Variants in UNC79 observed in about 807,000 individuals in gnomAD.
UNC79 encodes protein unc-79 homolog.
A neutral mutation model predicts 283.1 loss-of-function variants in UNC79; 37 were observed. The ratio of observed to expected loss-of-function variants is 0.13; its 90% CI spans 0.10 to 0.17. The LOEUF (loss-of-function observed/expected upper bound fraction) is 0.17, where lower values mean the gene tolerates loss of function less well. Among genes scored for constraint, UNC79 ranks in the 10% least tolerant of loss-of-function variants. UNC79 has a pLI of 1.00. For missense variants in UNC79, 2,272 were observed against 3,211.1 expected (o/e 0.71, Z 7.07); for synonymous variants, 1,107 against 1,200.2 (o/e 0.92, Z 1.61).
At chr14:93,458,342 G>A (rs1043668878) in intron 1 of UNC79, among the ~76,000 whole-genome samples, 1 of 152,218 alleles carries the variant, frequency 6.6e-6, no homozygotes, top group Non-Finnish European at 1.5e-5. Context: ...AAGAACTCCT[G>A]AGGCTTATAC....
intron 33 of UNC79, 64 bp downstream of exon 36, chr14:93,641,311 T>A: frequency 2.7e-6 from 4 of 1,478,840 alleles, no homozygotes; most frequent in Non-Finnish European, 3.7e-6. Flanking sequence ...ACCACAGTGG[T>A]GAGAAAGTTT....
At position 93,452,586 on chromosome 14, in the gene UNC79, G is replaced by A. The variant is rs770209232; in HGVS notation, c.23-15085G>A. Among the ~76,000 whole-genome samples, 122 of 151,936 alleles carry A rather than the reference G, an allele frequency of 8.0e-4. 4 individuals are homozygous for A. Among genetic ancestry groups the A allele is most frequent in the Non-Finnish European group, 7.9e-4 (54 of 67,930 alleles). On this transcript the variant is annotated intron_variant, in intron 1 of 48. Transcript: ENST00000555664. ...GTATTTTTAGTAGAGACAGGGTTTC[G>A]CCATGTTGGACAGACTGGTCTCGAC... is the stretch of plus-strand genomic sequence containing the variant.
chr14:93,378,203 G>T (rs1049305462), intron 1 of UNC79, among the ~76,000 whole-genome samples: 7 of 152,176 alleles, frequency 4.6e-5, no homozygotes, highest in Admixed American at 1.3e-4. Flanking sequence ...CAGCTTCCCT[G>T]CAGGGACAAG....
At chr14:93,587,073 A>G (rs1205187797) in intron 22 of UNC79, among the ~76,000 whole-genome samples, 165 bp downstream of exon 22, 1 of 152,212 alleles carries the variant, frequency 6.6e-6, no homozygotes, top group East Asian at 1.9e-4. Flanking sequence ...GTCTAATTTA[A>G]AAGTACGTTA....
chr14:93,666,028 G>A (rs12434100), intron 40 of UNC79, among the ~76,000 whole-genome samples: 13,880 of 150,462 alleles, frequency 0.092, 1,211 homozygotes, highest in African/African-American at 0.23. Flanking sequence ...AATGACAATA[G>A]AATACTAGAA....
intron 13 of UNC79, 107 bp downstream of exon 13, chr14:93,540,938 T>A: frequency 1.4e-6 from 2 of 1,450,480 alleles, no homozygotes; most frequent in Non-Finnish European, 1.9e-6. Context: ...AGTGAAAAAT[T>A]AACCTTAGCA....
intron 7 of UNC79, among the ~76,000 whole-genome samples, chr14:93,499,722 A>G (rs2059189879): frequency 6.6e-6 from 1 of 152,166 alleles, no homozygotes. Context: ...TAGAACAAAT[A>G]CAGAGAGCTG....
chr14:93,423,058 G>A (rs1319126217), intron 1 of UNC79, among the ~76,000 whole-genome samples: 2 of 60,064 alleles, frequency 3.3e-5, no homozygotes, highest in African/African-American at 8.4e-5. Context: ...GCGAGACTCT[G>A]TCTCAAAAAA....
chr14:93,333,741 G>A (rs1409916176), intron 1 of UNC79, among the ~76,000 whole-genome samples: 3 of 152,206 alleles, frequency 2.0e-5, no homozygotes, highest in Non-Finnish European at 4.4e-5. Flanking sequence ...TTTCAGCGAT[G>A]CAATAACAAA....
intron 1 of UNC79, among the ~76,000 whole-genome samples, chr14:93,436,482 CTG>C (rs939541270): frequency 8.6e-5 from 13 of 151,578 alleles, no homozygotes; most frequent in Admixed American, 6.6e-4. Context: ...ACACAGCCAA[CTG>C]TTTTTTTTTT....
intron 26 of UNC79, among the ~76,000 whole-genome samples, chr14:93,610,929 A>G (rs1469086809): frequency 6.6e-6 from 1 of 152,100 alleles, no homozygotes; most frequent in African/African-American, 2.4e-5. Flanking sequence ...CTATTTTTCA[A>G]TGCTGAAAAA....
chr14:93,681,533 T>C (rs2073844481), intron 41 of UNC79, among the ~76,000 whole-genome samples: 3 of 152,238 alleles, frequency 2.0e-5, no homozygotes. Context: ...CTAGTTGTTA[T>C]TACTTCTCTC....
chr14:93,551,023 T>A (rs1461473242), intron 14 of UNC79, among the ~76,000 whole-genome samples: 2 of 151,854 alleles, frequency 1.3e-5, no homozygotes, highest in African/African-American at 4.8e-5. Flanking sequence ...GGATTTATTT[T>A]TTATTTTATT....
In UNC79 at chr14:93,421,938, G is replaced by A. The variant is rs763377232; in HGVS notation, c.-350-45733G>A. Among the ~76,000 whole-genome samples, 23 of 151,732 alleles carry A rather than the reference G, an allele frequency of 1.5e-4. 1 individual carries two copies. The highest frequency in any genetic ancestry group is 3.1e-4 in the Non-Finnish European group (21 of 67,902). On this transcript the variant is annotated intron_variant, in intron 1 of 49. Transcript: ENST00000256339. ...GATCATTTCAATTCATGCTGAAAAAGCATTTGATAAAATTCAACACCTCTT... is the reference window on the plus strand; with the variant it reads ...GATCATTTCAATTCATGCTGAAAAAACATTTGATAAAATTCAACACCTCTT...
At chr14:93,361,211 CAAAAAAAAA>C (rs58267219) in intron 1 of UNC79, among the ~76,000 whole-genome samples, 1,176 of 54,426 alleles carry the variant, frequency 0.022, 18 homozygotes, top group African/African-American at 0.084. Context: ...GACTCTGTCT[CAAAAAAAAA>C]AAAAAAAAAA....
intron 28 of UNC79, 124 bp from the exon 30 acceptor site, chr14:93,618,064 TTCTC>T: frequency 5.0e-6 from 5 of 992,676 alleles, no homozygotes; most frequent in Non-Finnish European, 5.6e-6. Flanking sequence ...TTGTTTCTAC[TTCTC>T]TCTCTCTCTC....
intron 1 of UNC79, among the ~76,000 whole-genome samples, chr14:93,345,713 A>G (rs115949988): frequency 0.013 from 2,042 of 152,266 alleles, 45 homozygotes; most frequent in African/African-American, 0.047. Flanking sequence ...TCCGTCAATA[A>G]GAATTTTAGG....
chr14:93,443,464 C>T (rs2056372494), intron 1 of UNC79, among the ~76,000 whole-genome samples: 2 of 148,334 alleles, frequency 1.3e-5, no homozygotes, highest in East Asian at 2.0e-4. Flanking sequence ...TGCTCTGTCG[C>T]CCAGGCTAGA....
At chr14:93,431,734 A>C (rs1007872726) in intron 1 of UNC79, among the ~76,000 whole-genome samples, 7 of 152,208 alleles carry the variant, frequency 4.6e-5, no homozygotes, top group African/African-American at 1.7e-4. Context: ...AGCCCATAGC[A>C]CCGGAGGATT....
Sources: allele counts gnomAD v4.1 joint callset (sites outside exome capture counted in the v4.1 genomes callset), GRCh38; gene constraint gnomAD v4.1.1; transcripts MANE v1.5; gene names NCBI Gene and HGNC (gene_info 2026-07-23, HGNC 2026-07-21).